The following SPATA13 variants were observed in gnomAD, a reference collection of about 807,000 sequenced individuals.
SPATA13 encodes spermatogenesis associated 13, also known as spermatogenesis-associated protein 13.
Under a neutral mutation model 104.0 loss-of-function variants are expected in SPATA13, and 50 were observed. The ratio of observed to expected loss-of-function variants is 0.48; its 90% CI spans 0.38 to 0.61. SPATA13 has a LOEUF of 0.61. Ranked by LOEUF, SPATA13 falls within the 20% of genes least tolerant of loss-of-function variation. The pLI, the probability that SPATA13 is intolerant of heterozygous loss-of-function variation, is 0.00. For synonymous variants in SPATA13, 606 were observed against 667.5 expected (o/e 0.91, Z 1.42); for missense variants, 1,524 against 1,690.6 (o/e 0.90, Z 1.73).
At chr13:24,192,228 C>A (rs186868939) in intron 1 of SPATA13, among the ~76,000 whole-genome samples, 11 of 152,230 alleles carry the variant, frequency 7.2e-5, no homozygotes, top group African/African-American at 2.6e-4. Flanking sequence ...TCACCAGGGA[C>A]CCCCCTCCCC....
At position 24,294,856 on chromosome 13, in the gene SPATA13, C is replaced by A; in HGVS notation, c.3198C>A (p.Ile1066=). The change falls in exon 10 of 13, where the codon ATC becomes ATA. Residue 1066 remains isoleucine (I), a synonymous_variant. Transcript: ENST00000382108. Reference sequence around the variant, plus strand: ...AGATAGCTCGCTGGCAGGTGTCTATCGTGGGCTGGGAGGTAAGTGGAAAGC... The same window carrying A: ...AGATAGCTCGCTGGCAGGTGTCTATAGTGGGCTGGGAGGTAAGTGGAAAGC... ...IDKIARWQVS[I]VGWEGLDILD... is the part of the protein sequence containing the mutation. The A allele has an allele frequency of 6.2e-7, 1 of 1,608,272 alleles. No homozygotes were observed. The highest frequency in any genetic ancestry group is 1.3e-5 in the African/African-American group (1 of 75,002).
Position 24,297,497 on chromosome 13 carries a change from G to C in SPATA13, c.3345G>C (p.Leu1115=). 6.2e-7 allele frequency: 1 copy of C among 1,614,232 alleles called. No individual in the cohort carries two copies. Among genetic ancestry groups the C allele is most frequent in the Non-Finnish European group, 8.5e-7 (1 of 1,180,048 alleles). ...AGCTGGTGTCCTGCAAGAAGGACCT[G>C]CTGCGCAGGGACATGCTGTACTACA... The part of the protein sequence containing the change: ...DHQLVSCKKD[L]LRRDMLYYKG... The change falls in exon 11 of 13, where the codon CTG becomes CTC. Residue 1115 remains leucine, a synonymous_variant. Transcript: ENST00000382108.
At position 24,051,297 on chromosome 13, in the gene SPATA13, C is replaced by T. The variant is rs964151401; in HGVS notation, c.-112+33596C>T. 1.3e-5 allele frequency among the ~76,000 whole-genome samples: 2 copies of T among 152,234 alleles called. No homozygotes were observed. Among genetic ancestry groups the T allele is most frequent in the African/African-American group, 2.4e-5 (1 of 41,460 alleles). ...CACGTTGGACATGCTGTGCCTGCAG[C>T]CGGCAGGACTTCCTGGTCCTGGCAT... On this transcript the variant is annotated intron_variant, in intron 3 of 14. Transcript: ENST00000424834. This position sits in a 1 kb window ranked among gnomAD's most constrained non-coding sequence, Gnocchi z 4.2.
chr13:24,028,858 A>G (rs574198641), intron 3 of SPATA13, among the ~76,000 whole-genome samples: 1 of 151,818 alleles, frequency 6.6e-6, no homozygotes, highest in East Asian at 1.9e-4. Context: ...TGTGTTTTTT[A>G]TGTTTCTGGT....
intron 3 of SPATA13, among the ~76,000 whole-genome samples, chr13:24,108,660 A>AGG (rs1555262072): frequency 9.9e-5 from 1 of 10,118 alleles, no homozygotes; most frequent in South Asian, 1.9e-3. Context: ...TTTTCATGGT[A>AGG]GGGGGGGGGA....
Position 24,251,796 on chromosome 13 carries a change from T to A in SPATA13, c.2098T>A (p.Phe700Ile). 1.2e-6 allele frequency: 2 copies of A among 1,614,164 alleles called. No homozygotes were observed. The highest frequency in any genetic ancestry group is 4.5e-5 in the East Asian group (2 of 44,878). ...GTCGGCCCGGTTCCGGCCCTTCACATTCTCCCAGAGCACCCCCATTGGGTT... is the reference window on the plus strand; with the variant it reads ...GTCGGCCCGGTTCCGGCCCTTCACAATCTCCCAGAGCACCCCCATTGGGTT... ...AVSARFRPFT[F>I]SQSTPIGLDR... The change falls in exon 4 of 13, where the codon TTC becomes ATC. Residue 700 changes from phenylalanine (F) to isoleucine (I), a missense_variant. Coordinates refer to ENST00000382108, the MANE Select transcript of SPATA13 (RefSeq NM_001166271.3).
chr13:24,305,052 TATAAG>T lies in SPATA13; in HGVS notation c.*2281_*2285del, dbSNP rs1877488338. 1.3e-5 allele frequency: 2 copies of T among 152,362 alleles called. No homozygotes were observed. The highest frequency in any genetic ancestry group is 4.1e-4 in the South Asian group (2 of 4,832). The allele number at this position is 152,362 out of a possible 1,614,324, so 9.4% of individuals were successfully genotyped here. A position where few individuals can be genotyped will look rare whatever the true frequency, so the allele number is the denominator to read the frequency against. On this transcript the variant is annotated 3_prime_UTR_variant, in exon 13 of 13. Transcript: ENST00000382108. ...TTTGAACAAATTGTTTTAAATGTAA[TATAAG>T]AGAATTAGTTTAAGGAAGTAAAGAG...
upstream of SPATA13, among the ~76,000 whole-genome samples, chr13:24,157,483 G>C (rs901742200): frequency 3.9e-5 from 6 of 152,080 alleles, no homozygotes; most frequent in African/African-American, 1.4e-4. Flanking sequence ...TGTATTTTTA[G>C]TAGAGACGGG....
In SPATA13 at chr13:24,122,738, A is replaced by G. The variant is rs74040218; in HGVS notation, c.-111-100081A>G. ...GGAGCATCATATCTGTAAAGTAATC[A>G]AAGCCATCTTGCTGGAAGACTTCAA... On this transcript the variant is annotated intron_variant, in intron 3 of 14. Transcript: ENST00000424834. 5.8e-3 allele frequency: 5,030 copies of G among 862,208 alleles called. 181 individuals are homozygous for G. The African/African-American group carries it at 0.072, about 12-fold the overall frequency. 53.4% of individuals were successfully genotyped at this position (862,208 alleles called of 1,614,324 possible). A position where few individuals can be genotyped will look rare whatever the true frequency, so the allele number is the denominator to read the frequency against.
chr13:24,132,647 C>T (rs1157526736), intron 3 of SPATA13, among the ~76,000 whole-genome samples: 1 of 152,164 alleles, frequency 6.6e-6, no homozygotes, highest in Non-Finnish European at 1.5e-5. Flanking sequence ...TAAGAGAAGA[C>T]ATTAAGAAAA....
chr13:24,070,743 C>T (rs75302294), intron 3 of SPATA13, among the ~76,000 whole-genome samples: 5,354 of 152,244 alleles, frequency 0.035, 138 homozygotes, highest in East Asian at 0.062. Flanking sequence ...CTCAATAGAA[C>T]GGAAGGCTGA....
chr13:24,101,998 A>G (rs948037482), intron 3 of SPATA13, among the ~76,000 whole-genome samples: 2 of 152,368 alleles, frequency 1.3e-5, no homozygotes, highest in East Asian at 3.9e-4. Flanking sequence ...ATATATACCC[A>G]GAAGTAGGAT....
chr13:24,280,418 G>C (rs1322255403), intron 4 of SPATA13, among the ~76,000 whole-genome samples: 2 of 151,736 alleles, frequency 1.3e-5, no homozygotes, highest in Non-Finnish European at 2.9e-5. Flanking sequence ...TCAGTTCTTC[G>C]AGGAGAAAGC....
intron 3 of SPATA13, chr13:24,123,669 C>T (rs1881116637): frequency 1.3e-6 from 2 of 1,590,828 alleles, no homozygotes; most frequent in African/African-American, 2.7e-5. Context: ...AAACTTCATG[C>T]ATATATATTC....
At chr13:23,991,503 G>A (rs1250148732) in intron 2 of SPATA13, among the ~76,000 whole-genome samples, 2 of 152,112 alleles carry the variant, frequency 1.3e-5, no homozygotes, top group Non-Finnish European at 2.9e-5. Flanking sequence ...AGGGAATGTT[G>A]TGGTCATAAG....
At chr13:24,121,577 T>C (rs1378694964) in intron 3 of SPATA13, among the ~76,000 whole-genome samples, 1 of 152,206 alleles carries the variant, frequency 6.6e-6, no homozygotes, top group Non-Finnish European at 1.5e-5. Flanking sequence ...GATTACCTTA[T>C]CTTATTGACA....
intron 2 of SPATA13, among the ~76,000 whole-genome samples, chr13:24,005,887 C>T (rs941817932): frequency 6.6e-6 from 1 of 152,224 alleles, no homozygotes; most frequent in African/African-American, 2.4e-5. Flanking sequence ...TTAATAAAGA[C>T]ATCCACCCCC....
chr13:24,184,384 G>A (rs888765150), intron 1 of SPATA13, among the ~76,000 whole-genome samples: 1 of 152,128 alleles, frequency 6.6e-6, no homozygotes, highest in Non-Finnish European at 1.5e-5. Context: ...CCTGCTGTGC[G>A]GGTCCCAGCT....
chr13:24,245,576 A>C (rs2138652298), intron 2 of SPATA13, among the ~76,000 whole-genome samples: 1 of 125,488 alleles, frequency 8.0e-6, no homozygotes, highest in African/African-American at 2.8e-5. Flanking sequence ...GTAGAATTAC[A>C]GTTGTTTCTT....
Sources: gnomAD v4.1 joint callset for allele counts (sites outside exome capture counted in the v4.1 genomes callset) on GRCh38, gnomAD v4.1.1 for gene constraint, Gnocchi (gnomAD v3.1) non-coding constraint, MANE v1.5 for transcripts, NCBI Gene and HGNC (gene_info 2026-07-23, HGNC 2026-07-21) for gene names.